The following MOB1B variants were observed in gnomAD, a reference collection of about 807,000 sequenced individuals.
MOB1B encodes the protein MOB1 Mps One Binder homolog B.
Under a neutral mutation model 24.4 loss-of-function variants are expected in MOB1B, and 19 were observed. The ratio of observed to expected loss-of-function variants is 0.78; its 90% CI spans 0.54 to 1.14. MOB1B has a LOEUF of 1.14. MOB1B is among the 50% of genes most tolerant of loss of function. The pLI is 0.00. For missense variants in MOB1B, 243 were observed against 259.6 expected, an observed-to-expected ratio of 0.94 and a Z score of 0.44; for synonymous variants, 76 against 82.1, an observed-to-expected ratio of 0.93 and a Z score of 0.40.
At chr4:70,960,758 A>G (rs1008278885) in intron 2 of MOB1B, among the ~76,000 whole-genome samples, 1 of 152,238 alleles carries the variant, frequency 6.6e-6, no homozygotes, top group Admixed American at 6.5e-5. Flanking sequence ...TCTCCAAGAC[A>G]ATATTCAGAA....
rs1737064309 is a variant in MOB1B at position 70,935,887 on chromosome 4, T to G, written c.15-22987T>G. Among the ~76,000 whole-genome samples the G allele has an allele frequency of 2.1e-5, 3 of 139,688 alleles. 1 individual carries two copies. In the Admixed American group the frequency reaches 2.4e-4, roughly 11 times the overall value. 91.6% of individuals were successfully genotyped at this position (139,688 alleles called of 152,430 possible). Reference sequence around the variant, plus strand: ...TTTTTTTTGAGACGGAGTCTCGCTCTGTTGCCCAGGCTGGAGTGCAGTGGC... The same window carrying G: ...TTTTTTTTGAGACGGAGTCTCGCTCGGTTGCCCAGGCTGGAGTGCAGTGGC... On this transcript the variant is annotated intron_variant, in intron 1 of 5. Coordinates refer to ENST00000309395, the MANE Select transcript of MOB1B (RefSeq NM_173468.4).
intron 1 of MOB1B, chr4:70,950,655 G>A (rs1440076221): frequency 1.2e-5 from 12 of 1,017,454 alleles, no homozygotes; most frequent in African/African-American, 6.4e-5. Flanking sequence ...CAAAGCTTGC[G>A]GTAAATGTTA....
At chr4:70,932,266 T>G (rs1395212283) in intron 1 of MOB1B, among the ~76,000 whole-genome samples, 1 of 152,154 alleles carries the variant, frequency 6.6e-6, no homozygotes, top group Non-Finnish European at 1.5e-5. Flanking sequence ...TCATGTAGAT[T>G]ATATGATTTG....
chr4:70,937,650 T>C (rs1737137608), intron 1 of MOB1B, among the ~76,000 whole-genome samples: 2 of 152,080 alleles, frequency 1.3e-5, no homozygotes, highest in Admixed American at 6.6e-5. Flanking sequence ...TAGCTGGGAC[T>C]ACAGGCACGA....
intron 3 of MOB1B, 141 bp from the exon 4 acceptor site, chr4:70,975,012 T>G: frequency 3.5e-6 from 2 of 573,284 alleles, no homozygotes; most frequent in Non-Finnish European, 5.3e-6. Flanking sequence ...CCACTGGGTA[T>G]TTAAAAATGT....
chr4:70,964,024 C>A (rs1228239170), intron 2 of MOB1B, among the ~76,000 whole-genome samples: 1 of 151,962 alleles, frequency 6.6e-6, no homozygotes, highest in Non-Finnish European at 1.5e-5. Flanking sequence ...AGGCAAAAAG[C>A]AATAAAAAAG....
intron 1 of MOB1B, among the ~76,000 whole-genome samples, chr4:70,950,323 C>T (rs2148889542): frequency 6.6e-6 from 1 of 151,392 alleles, no homozygotes; most frequent in East Asian, 1.9e-4. Context: ...GTAGTCCCAG[C>T]TACTCAGGAG....
intron 1 of MOB1B, among the ~76,000 whole-genome samples, chr4:70,929,877 C>T (rs1317404678): frequency 6.6e-6 from 1 of 151,884 alleles, no homozygotes; most frequent in African/African-American, 2.4e-5. Flanking sequence ...TTGTGATCCG[C>T]CCGCCTCGGC....
At chr4:70,971,308 G>A (rs1738742057) in intron 3 of MOB1B, among the ~76,000 whole-genome samples, 1 of 152,072 alleles carries the variant, frequency 6.6e-6, no homozygotes, top group African/African-American at 2.4e-5. Context: ...GAGGTTGAGA[G>A]CAGCCTGGGC....
At chr4:70,954,698 C>A (rs1013057237) in intron 1 of MOB1B, among the ~76,000 whole-genome samples, 1 of 150,660 alleles carries the variant, frequency 6.6e-6, no homozygotes, top group African/African-American at 2.4e-5. Context: ...TCATGATCTG[C>A]CCACCTCAAC....
intron 1 of MOB1B, among the ~76,000 whole-genome samples, chr4:70,935,112 A>G (rs1333602425): frequency 2.0e-5 from 3 of 152,030 alleles, no homozygotes; most frequent in Non-Finnish European, 4.4e-5. Flanking sequence ...ATTTTTTTGT[A>G]GAGATGAGGG....
chr4:70,968,164 G>A (rs77969298), intron 2 of MOB1B, among the ~76,000 whole-genome samples: 3,869 of 151,838 alleles, frequency 0.025, 177 homozygotes, highest in African/African-American at 0.089. Context: ...CTCTTTTTAA[G>A]AAATTTATAC....
chr4:70,923,717 A>G (rs1322139225), intron 1 of MOB1B, among the ~76,000 whole-genome samples: 1 of 152,050 alleles, frequency 6.6e-6, no homozygotes, highest in Non-Finnish European at 1.5e-5. Flanking sequence ...TTGGAGGCCA[A>G]GGCGGGCGGA....
At chr4:70,902,672 G>A in intron 1 of MOB1B, 122 bp downstream of exon 1, 1 of 950,648 alleles carries the variant, frequency 1.1e-6, no homozygotes. Context: ...CCGGGGCCCG[G>A]CGTCACCACC....
chr4:70,925,108 A>G (rs918964516), intron 1 of MOB1B, among the ~76,000 whole-genome samples: 2 of 152,086 alleles, frequency 1.3e-5, no homozygotes, highest in Non-Finnish European at 2.9e-5. Flanking sequence ...CAATGGCGCA[A>G]TCTGGGCTCA....
intron 1 of MOB1B, among the ~76,000 whole-genome samples, chr4:70,940,004 T>C (rs983822914): frequency 3.3e-5 from 5 of 152,222 alleles, no homozygotes; most frequent in Admixed American, 3.3e-4. Context: ...TCTGCATCTT[T>C]CCGTTGGTTT....
rs1739392008 is a variant in MOB1B at position 70,986,674 on chromosome 4, T to G, written c.*4617T>G. 6.6e-6 allele frequency: 1 copy of G among 152,194 alleles called. No homozygotes were observed. The highest frequency in any genetic ancestry group is 2.4e-5 in the African/African-American group (1 of 41,472). The allele number at this position is 152,194 out of a possible 1,614,324, so 9.4% of individuals were successfully genotyped here. ...AATAACTTAAATATCAGAGTTTTGT[T>G]GTAATATTAAAATTTACCGTGGAAA... On this transcript the variant is annotated 3_prime_UTR_variant, in exon 6 of 6. Coordinates refer to ENST00000309395, the MANE Select transcript of MOB1B (RefSeq NM_173468.4).
At chr4:70,916,860 C>T (rs1469644240) in intron 1 of MOB1B, among the ~76,000 whole-genome samples, 3 of 152,202 alleles carry the variant, frequency 2.0e-5, no homozygotes, top group Admixed American at 6.5e-5. Context: ...TGAGCCACTG[C>T]GCCTGGCCTA....
intron 1 of MOB1B, among the ~76,000 whole-genome samples, chr4:70,912,705 C>T (rs760975664): frequency 9.2e-5 from 14 of 152,172 alleles, no homozygotes; most frequent in African/African-American, 1.9e-4. Flanking sequence ...ATGTAATCTT[C>T]GACAAAAGGA....
Sources: gnomAD v4.1 joint callset for allele counts (sites outside exome capture counted in the v4.1 genomes callset) on GRCh38, gnomAD v4.1.1 for gene constraint, MANE v1.5 for transcripts, NCBI Gene and HGNC (gene_info 2026-07-23, HGNC 2026-07-21) for gene names.